The following CAMK2D variants were observed in gnomAD, a reference collection of about 807,000 sequenced individuals.
CAMK2D encodes the protein calcium/calmodulin dependent protein kinase II delta, also known as calcium/calmodulin-dependent protein kinase type II subunit delta.
In CAMK2D, 37 loss-of-function variants were observed where a neutral mutation model predicts 84.0. That is an observed-to-expected ratio of 0.44 (90% CI 0.34 to 0.58). The LOEUF (loss-of-function observed/expected upper bound fraction) is 0.58. Among genes scored for constraint, CAMK2D ranks in the 20% least tolerant of loss-of-function variants. The probability of loss-of-function intolerance (pLI) is 0.02; values close to 1 mark genes in which losing one functional copy is unlikely to be tolerated. For synonymous variants in CAMK2D, 202 were observed against 212.5 expected (o/e 0.95, Z 0.43); for missense variants, 448 against 652.5 (o/e 0.69, Z 3.41).
At chr4:113,707,082 C>T (rs2099461153) in intron 2 of CAMK2D, among the ~76,000 whole-genome samples, 1 of 152,104 alleles carries the variant, frequency 6.6e-6, no homozygotes, top group Admixed American at 6.6e-5. Context: ...TGTACCATAG[C>T]AGACCTACAA....
intron 2 of CAMK2D, among the ~76,000 whole-genome samples, chr4:113,714,246 A>C (rs552294762): frequency 6.6e-6 from 1 of 152,196 alleles, no homozygotes; most frequent in East Asian, 1.9e-4. Flanking sequence ...GCTCTCTTCT[A>C]TTCTGCCATA....
chr4:113,760,829 T>C (rs1350412640), intron 1 of CAMK2D, among the ~76,000 whole-genome samples, 175 bp downstream of exon 1: 1 of 152,132 alleles, frequency 6.6e-6, no homozygotes, highest in Non-Finnish European at 1.5e-5. Flanking sequence ...CTACCCCTTC[T>C]GTGCTCCCTC....
chr4:113,480,279 T>A (rs888731768), intron 16 of CAMK2D, among the ~76,000 whole-genome samples: 1 of 151,998 alleles, frequency 6.6e-6, no homozygotes, highest in Non-Finnish European at 1.5e-5. Flanking sequence ...GACATATTAT[T>A]ATCCCTATTG....
rs2099411765 is a variant in CAMK2D, at chr4:113,699,386, A to G, written c.161-37614T>C. ...AAAGTGACATATTTAAGTGCTATTG[A>G]TTCCTTTAACATTATGTTGTGGATA... On this transcript the variant is annotated intron_variant, in intron 2 of 20. Coordinates refer to ENST00000511664, the MANE Select transcript of CAMK2D (RefSeq NM_001321571.2). Among the ~76,000 whole-genome samples the G allele has an allele frequency of 2.6e-5, 4 of 152,242 alleles. No individual in the cohort carries two copies. The South Asian group carries it at 8.3e-4, about 32-fold the overall frequency.
chr4:113,581,233 G>T (rs2098806822), intron 4 of CAMK2D, among the ~76,000 whole-genome samples: 1 of 152,060 alleles, frequency 6.6e-6, no homozygotes, highest in Non-Finnish European at 1.5e-5. Flanking sequence ...AGAAAGACTG[G>T]CTGGGTGCGG....
intron 3 of CAMK2D, among the ~76,000 whole-genome samples, chr4:113,624,573 G>A (rs78986306): frequency 0.093 from 14,145 of 152,196 alleles, 853 homozygotes; most frequent in Non-Finnish European, 0.13. Context: ...TTTCATACAA[G>A]TGAGACAACA....
At chr4:113,637,557 G>A (rs1350356543) in intron 3 of CAMK2D, among the ~76,000 whole-genome samples, 2 of 152,088 alleles carry the variant, frequency 1.3e-5, no homozygotes, top group African/African-American at 4.8e-5. Flanking sequence ...AATTCTCATC[G>A]AGGAAGCTAA....
At chr4:113,574,527 C>T (rs967776257) in intron 4 of CAMK2D, among the ~76,000 whole-genome samples, 1 of 152,204 alleles carries the variant, frequency 6.6e-6, no homozygotes, top group Non-Finnish European at 1.5e-5. Flanking sequence ...AAGCCTGATT[C>T]CTCACTGCAT....
chr4:113,609,145 T>G lies in CAMK2D; in HGVS notation c.275+7A>C. ...GCAAAAATAATGAATACAGAGTATA[T>G]ACTTACAAATCAAACACCAAGTAGT... On this transcript the variant is annotated splice_region_variant and intron_variant, in intron 4 of 20. Transcript: ENST00000511664. 6.8e-7 allele frequency: 1 copy of G among 1,481,070 alleles called. No homozygotes were observed. Among genetic ancestry groups the G allele is most frequent in the Non-Finnish European group, 9.4e-7 (1 of 1,058,792 alleles). 91.7% of individuals were successfully genotyped at this position (1,481,070 alleles called of 1,614,324 possible).
In CAMK2D at chr4:113,470,295, C is replaced by G. The variant is rs548308953; in HGVS notation, c.1136-4691G>C. Among the ~76,000 whole-genome samples, 12 of 152,266 alleles carry G rather than the reference C, an allele frequency of 7.9e-5. No individual in the cohort carries two copies. The South Asian group carries it at 1.2e-3, about 16-fold the overall frequency. Reference sequence around the variant, plus strand: ...TCTCTTCTTGGAAAACTGCACCCCCCCCATTTTGCTCCTACTTCTTTTATC... The same window carrying G: ...TCTCTTCTTGGAAAACTGCACCCCCGCCATTTTGCTCCTACTTCTTTTATC... On this transcript the variant is annotated intron_variant, in intron 16 of 20. Transcript: ENST00000511664.
At chr4:113,618,566 C>A (rs1435670598) in intron 3 of CAMK2D, among the ~76,000 whole-genome samples, 1 of 152,038 alleles carries the variant, frequency 6.6e-6, no homozygotes, top group Non-Finnish European at 1.5e-5. Flanking sequence ...GTTTAAAATC[C>A]TAATACATGT....
chr4:113,456,192 T>A (rs377405770), intron 19 of CAMK2D, among the ~76,000 whole-genome samples: 1 of 152,198 alleles, frequency 6.6e-6, no homozygotes, highest in Non-Finnish European at 1.5e-5. Flanking sequence ...TGAAAACCAC[T>A]GTGGTATGCT....
At chr4:113,752,504 AAAC>A (rs199599489) in intron 2 of CAMK2D, among the ~76,000 whole-genome samples, 1,532 of 152,282 alleles carry the variant, frequency 0.01, 23 homozygotes, top group African/African-American at 0.033. Context: ...GGAAACTACA[AAAC>A]AACAAAAATT....
intron 11 of CAMK2D, 58 bp from the exon 12 acceptor site, chr4:113,513,428 CA>C: frequency 2.9e-6 from 3 of 1,024,586 alleles, no homozygotes; most frequent in Admixed American, 3.4e-5. Context: ...CTGGACCTAA[CA>C]AATATAGAGT....
Position 113,761,476 on chromosome 4 carries a change from T to C in CAMK2D, c.-408A>G, listed in dbSNP as rs1014333140. ...ACGATCCGCACTGGAGCAGGAGGAG[T>C]AGAAGCAGAGGGGAGGGAGTCCGAG... On this transcript the variant is annotated 5_prime_UTR_variant, in exon 1 of 21. Coordinates refer to ENST00000511664, the MANE Select transcript of CAMK2D (RefSeq NM_001321571.2). 4.6e-6 allele frequency: 5 copies of C among 1,094,226 alleles called. No individual in the cohort carries two copies. The highest frequency in any genetic ancestry group is 4.9e-5 in the South Asian group (2 of 40,586). The allele number at this position is 1,094,226 out of a possible 1,614,324, so 67.8% of individuals were successfully genotyped here. A position where few individuals can be genotyped will look rare whatever the true frequency, so the allele number is the denominator to read the frequency against.
intron 3 of CAMK2D, among the ~76,000 whole-genome samples, chr4:113,632,912 G>A (rs972066916): frequency 6.6e-6 from 1 of 152,136 alleles, no homozygotes; most frequent in Non-Finnish European, 1.5e-5. Flanking sequence ...TATTTCCCTA[G>A]GACTGAGAAA....
rs148576305 is a variant in CAMK2D at position 113,685,166 on chromosome 4, C to T, written c.161-23394G>A. Among the ~76,000 whole-genome samples, 54 of 152,218 alleles carry T rather than the reference C, an allele frequency of 3.5e-4. No homozygotes were observed. The East Asian group carries it at 0.01, about 29-fold the overall frequency. ...TCCTCTAAATGATTTTCTAAGACCA[C>T]CATCATGTGTAAGAATGCTTGATAC... is the stretch of plus-strand genomic sequence containing the variant. On this transcript the variant is annotated intron_variant, in intron 2 of 20. Coordinates refer to ENST00000511664, the MANE Select transcript of CAMK2D (RefSeq NM_001321571.2).
At chr4:113,758,192 T>G (rs1371348942) in intron 2 of CAMK2D, among the ~76,000 whole-genome samples, 1 of 152,224 alleles carries the variant, frequency 6.6e-6, no homozygotes, top group Non-Finnish European at 1.5e-5. Flanking sequence ...TTAGTTTTCA[T>G]ACCATGATTC....
intron 16 of CAMK2D, among the ~76,000 whole-genome samples, chr4:113,492,626 G>A (rs1415723630): frequency 1.3e-5 from 2 of 151,096 alleles, no homozygotes; most frequent in Non-Finnish European, 2.9e-5. Flanking sequence ...CTGTTGATTT[G>A]GGGTGGAGAG....
Sources: allele counts gnomAD v4.1 joint callset (sites outside exome capture counted in the v4.1 genomes callset), GRCh38; gene constraint gnomAD v4.1.1; transcripts MANE v1.5; gene names NCBI Gene and HGNC (gene_info 2026-07-23, HGNC 2026-07-21).